The following RFX4 variants were observed in gnomAD, a reference collection of about 807,000 sequenced individuals.
The protein encoded by RFX4 is transcription factor RFX4.
RFX4 carries 10 observed loss-of-function variants against 95.0 expected under a neutral mutation model. The observed-to-expected ratio is 0.11, with a 90% CI of 0.06 to 0.18. The LOEUF (loss-of-function observed/expected upper bound fraction) is 0.18, where lower values mean the gene tolerates loss of function less well. RFX4 is among the 10% of genes least tolerant of loss of function. RFX4 has a pLI of 1.00. For synonymous variants in RFX4, 321 were observed against 340.7 expected, an observed-to-expected ratio of 0.94 and a Z score of 0.64; for missense variants, 640 against 922.0, an observed-to-expected ratio of 0.69 and a Z score of 3.96.
chr12:106,630,783 C>T (rs141248908), intron 2 of RFX4, among the ~76,000 whole-genome samples: 1,618 of 152,310 alleles, frequency 0.011, 15 homozygotes, highest in Admixed American at 0.018. Context: ...TGACTCCAGG[C>T]AGGAAATATT....
At chr12:106,746,243 C>T (rs572992584) in intron 15 of RFX4, among the ~76,000 whole-genome samples, 46 of 151,766 alleles carry the variant, frequency 3.0e-4, no homozygotes, top group African/African-American at 1.1e-3. Context: ...GTAATCCCAG[C>T]TACTCAGGAG....
chr12:106,719,897 A>T, intron 11 of RFX4, 63 bp from the exon 12 acceptor site: 1 of 1,285,554 alleles, frequency 7.8e-7, no homozygotes, highest in Non-Finnish European at 1.1e-6. Context: ...CTGTTCTTTT[A>T]AGACGTAGCT....
At position 106,612,155 on chromosome 12, in the gene RFX4, C is replaced by T. The variant is rs755360662; in HGVS notation, c.130+3272C>T. Among the ~76,000 whole-genome samples the T allele has an allele frequency of 5.3e-5, 8 of 152,026 alleles. No individual in the cohort carries two copies. The South Asian group carries it at 6.2e-4, about 12-fold the overall frequency. On this transcript the variant is annotated intron_variant, in intron 2 of 17. Transcript: ENST00000392842. ...TTTCTGGAAAAAAAAATATGCCACT[C>T]GGGTTTTGATAGGTGTTGCATTGAA...
At chr12:106,753,607 G>A (rs2043052344) in intron 17 of RFX4, among the ~76,000 whole-genome samples, 1 of 152,154 alleles carries the variant, frequency 6.6e-6, no homozygotes, top group Non-Finnish European at 1.5e-5. Context: ...GCCAGGCTCT[G>A]CGCTGAGCAC....
chr12:106,589,094 G>A (rs1469083447), intron 1 of RFX4, among the ~76,000 whole-genome samples: 1 of 152,084 alleles, frequency 6.6e-6, no homozygotes, highest in Non-Finnish European at 1.5e-5. Flanking sequence ...TGGAGACGGT[G>A]GGAGAAACCC....
intron 15 of RFX4, among the ~76,000 whole-genome samples, chr12:106,735,864 T>A (rs2042700240): frequency 6.6e-6 from 1 of 152,068 alleles, no homozygotes; most frequent in Admixed American, 6.5e-5. Context: ...ATGCAATAAG[T>A]GAGATATAAA....
At chr12:106,601,830 C>T (rs2039718014) in intron 1 of RFX4, among the ~76,000 whole-genome samples, 1 of 152,204 alleles carries the variant, frequency 6.6e-6, no homozygotes, top group Non-Finnish European at 1.5e-5. Flanking sequence ...AACCACCAGG[C>T]CTTTCACAGC....
At chr12:106,702,963 C>T (rs1440457744) in intron 8 of RFX4, among the ~76,000 whole-genome samples, 1 of 152,210 alleles carries the variant, frequency 6.6e-6, no homozygotes, top group Admixed American at 6.5e-5. Context: ...CCTGGTGAGG[C>T]CTGTGGAGGA....
At chr12:106,600,784 C>T (rs1464104627) in intron 1 of RFX4, among the ~76,000 whole-genome samples, 2 of 152,164 alleles carry the variant, frequency 1.3e-5, no homozygotes, top group African/African-American at 4.8e-5. Flanking sequence ...CCTCCTCACA[C>T]ACCCAAGCCC....
chr12:106,665,717 A>G (rs2041161705), intron 4 of RFX4, among the ~76,000 whole-genome samples: 1 of 151,936 alleles, frequency 6.6e-6, no homozygotes, highest in Non-Finnish European at 1.5e-5. Context: ...ATTTACAACT[A>G]ATTCAAGCCC....
At chr12:106,735,261 T>C (rs1179488001) in intron 15 of RFX4, among the ~76,000 whole-genome samples, 3 of 151,928 alleles carry the variant, frequency 2.0e-5, no homozygotes, top group Non-Finnish European at 2.9e-5. Flanking sequence ...CAAAAAGAAA[T>C]AGTAAGTATA....
At chr12:106,608,691 T>C (rs1592845657) in intron 1 of RFX4, 106 bp from the exon 2 acceptor site, 1 of 1,035,174 alleles carries the variant, frequency 9.7e-7, no homozygotes, top group East Asian at 2.6e-5. Context: ...AGCATTTAAA[T>C]CTAATGCATT....
At chr12:106,622,019 T>C (rs1364778972) in intron 2 of RFX4, among the ~76,000 whole-genome samples, 2 of 152,150 alleles carry the variant, frequency 1.3e-5, no homozygotes, top group South Asian at 2.1e-4. Context: ...TACTTTATCA[T>C]GGAGGGAACT....
intron 1 of RFX4, among the ~76,000 whole-genome samples, chr12:106,592,222 A>G (rs1367867966): frequency 2.0e-5 from 3 of 151,960 alleles, no homozygotes; most frequent in African/African-American, 7.3e-5. Context: ...AAAAATGTAG[A>G]CTGTTTTAGA....
intron 1 of RFX4, among the ~76,000 whole-genome samples, chr12:106,604,939 A>C (rs1157683005): frequency 6.6e-6 from 1 of 152,250 alleles, no homozygotes; most frequent in Non-Finnish European, 1.5e-5. Flanking sequence ...ATTTGGAGAG[A>C]GAACTGTGAT....
Position 106,695,993 on chromosome 12 carries a change from A to G in RFX4, c.670-290A>G, listed in dbSNP as rs548495529. On this transcript the variant is annotated intron_variant, in intron 7 of 17. Transcript: ENST00000392842. ...CTTCCCAGACCTCAGTAAGCACTGAAGGCGCTGAGGGGTGAAAGTGCTTCA... is the reference window on the plus strand; with the variant it reads ...CTTCCCAGACCTCAGTAAGCACTGAGGGCGCTGAGGGGTGAAAGTGCTTCA... Among the ~76,000 whole-genome samples, 11 of 152,272 alleles carry G rather than the reference A, an allele frequency of 7.2e-5. No homozygotes were observed. The East Asian group carries it at 1.9e-3, about 27-fold the overall frequency.
chr12:106,669,388 G>A (rs2041238118), intron 4 of RFX4, among the ~76,000 whole-genome samples: 1 of 152,128 alleles, frequency 6.6e-6, no homozygotes, highest in Non-Finnish European at 1.5e-5. Context: ...TGGGTAATTG[G>A]CAGTTTGGGT....
At chr12:106,600,046 G>A (rs1164875542) in intron 1 of RFX4, among the ~76,000 whole-genome samples, 1 of 152,050 alleles carries the variant, frequency 6.6e-6, no homozygotes, top group African/African-American at 2.4e-5. Context: ...ACCACCTACT[G>A]AATACAATCT....
intron 4 of RFX4, among the ~76,000 whole-genome samples, chr12:106,677,737 G>A (rs182101330): frequency 2.6e-4 from 39 of 152,240 alleles, no homozygotes; most frequent in African/African-American, 8.9e-4. Flanking sequence ...TTCCACTGGT[G>A]AGGCAACAAG....
Sources: gnomAD v4.1 joint callset for allele counts (sites outside exome capture counted in the v4.1 genomes callset) on GRCh38, gnomAD v4.1.1 for gene constraint, MANE v1.5 for transcripts, NCBI Gene and HGNC (gene_info 2026-07-23, HGNC 2026-07-21) for gene names.